The following SPATS2 variants were observed in gnomAD, a reference collection of about 807,000 sequenced individuals.
SPATS2 encodes spermatogenesis associated serine rich 2.
SPATS2 carries 38 observed loss-of-function variants against 63.7 expected under a neutral mutation model. That is an observed-to-expected ratio of 0.60 (90% confidence interval 0.46 to 0.78). The LOEUF (loss-of-function observed/expected upper bound fraction) is 0.78, where lower values mean the gene tolerates loss of function less well. SPATS2 is among the 30% of genes least tolerant of loss of function. SPATS2 has a pLI of 0.00. For missense variants in SPATS2, 588 were observed against 666.2 expected, an observed-to-expected ratio of 0.88 and a Z score of 1.29; for synonymous variants, 207 against 232.9, an observed-to-expected ratio of 0.89 and a Z score of 1.01.
intron 2 of SPATS2, among the ~76,000 whole-genome samples, chr12:49,453,786 C>T (rs766966920): frequency 6.3e-4 from 94 of 149,500 alleles, no homozygotes; most frequent in Non-Finnish European, 1.0e-3. Flanking sequence ...CCCTGGGCAA[C>T]GGAGGAAGAC....
intron 2 of SPATS2, among the ~76,000 whole-genome samples, chr12:49,449,890 T>G (rs1945587651): frequency 6.6e-6 from 1 of 152,202 alleles, no homozygotes; most frequent in South Asian, 2.1e-4. Context: ...TATCAATCAG[T>G]TATTGAGAGT....
intron 3 of SPATS2, among the ~76,000 whole-genome samples, chr12:49,467,792 C>T (rs1053838392): frequency 1.3e-5 from 2 of 152,140 alleles, no homozygotes; most frequent in African/African-American, 4.8e-5. Flanking sequence ...CTAGCTCTGC[C>T]TCCTGGGTCT....
intron 2 of SPATS2, among the ~76,000 whole-genome samples, chr12:49,445,766 C>T (rs1945499401): frequency 6.6e-6 from 1 of 152,140 alleles, no homozygotes; most frequent in South Asian, 2.1e-4. Context: ...AGTGATCTGC[C>T]TGCCTCGGCC....
At chr12:49,514,661 G>A in intron 10 of SPATS2, 48 bp downstream of exon 10, 1 of 1,560,784 alleles carries the variant, frequency 6.4e-7, no homozygotes, top group Non-Finnish European at 8.8e-7. Flanking sequence ...ATAAATAGTA[G>A]GTACCTACTT....
At chr12:49,446,456 C>T (rs1045553277) in intron 2 of SPATS2, among the ~76,000 whole-genome samples, 8 of 152,344 alleles carry the variant, frequency 5.3e-5, no homozygotes, top group Admixed American at 3.3e-4. Flanking sequence ...TTTTCAGGCT[C>T]ACTCAGGCTG....
intron 9 of SPATS2, among the ~76,000 whole-genome samples, chr12:49,504,235 A>G (rs1159646308): frequency 6.6e-6 from 1 of 152,234 alleles, no homozygotes; most frequent in Non-Finnish European, 1.5e-5. Context: ...AATTATACAG[A>G]TAACTCCTTT....
At chr12:49,458,255 G>A (rs192667938) in intron 2 of SPATS2, among the ~76,000 whole-genome samples, 2 of 152,262 alleles carry the variant, frequency 1.3e-5, no homozygotes, top group East Asian at 3.9e-4. Flanking sequence ...ATCACTGGAG[G>A]TCAGGAGTTC....
intron 2 of SPATS2, among the ~76,000 whole-genome samples, chr12:49,459,488 A>G (rs986149232): frequency 1.3e-5 from 2 of 151,938 alleles, no homozygotes; most frequent in Non-Finnish European, 2.9e-5. Context: ...AGCTGAGATT[A>G]CAGGCATGCA....
intron 2 of SPATS2, among the ~76,000 whole-genome samples, chr12:49,445,874 A>G (rs149339763): frequency 1.5e-3 from 229 of 151,908 alleles, no homozygotes; most frequent in African/African-American, 5.4e-3. Flanking sequence ...ATTTATGAGG[A>G]ATGTTGATCT....
At chr12:49,416,968 C>T (rs536938630) in intron 2 of SPATS2, among the ~76,000 whole-genome samples, 2 of 152,316 alleles carry the variant, frequency 1.3e-5, no homozygotes, top group Admixed American at 6.5e-5. Flanking sequence ...AGCTAGACAA[C>T]GTGTCAGGCT....
At chr12:49,445,343 A>T (rs1261422774) in intron 2 of SPATS2, among the ~76,000 whole-genome samples, 1 of 152,086 alleles carries the variant, frequency 6.6e-6, no homozygotes, top group African/African-American at 2.4e-5. Context: ...TACTGAGATG[A>T]TCATGTGACT....
intron 2 of SPATS2, among the ~76,000 whole-genome samples, chr12:49,420,892 A>G (rs1490264613): frequency 6.6e-6 from 1 of 152,178 alleles, no homozygotes; most frequent in Non-Finnish European, 1.5e-5. Context: ...TTGTAGTCCC[A>G]TCTACTCCGG....
At chr12:49,382,089 T>C (rs916165834) in intron 2 of SPATS2, among the ~76,000 whole-genome samples, 1 of 152,232 alleles carries the variant, frequency 6.6e-6, no homozygotes, top group Non-Finnish European at 1.5e-5. Flanking sequence ...AACTCTCCTG[T>C]CTCTTGCGAT....
At chr12:49,442,489 G>C (rs565092905) in intron 2 of SPATS2, 1 of 154,538 alleles carries the variant, frequency 6.5e-6, no homozygotes, top group East Asian at 1.9e-4. Context: ...ATTTTCTGCA[G>C]GTAAATCTTA....
intron 2 of SPATS2, among the ~76,000 whole-genome samples, chr12:49,450,361 T>C (rs1358649333): frequency 6.6e-6 from 1 of 152,080 alleles, no homozygotes. Context: ...GCCATTCTCC[T>C]GCCTCAGCCA....
chr12:49,449,760 C>G (rs1945584908), intron 2 of SPATS2, among the ~76,000 whole-genome samples: 2 of 152,164 alleles, frequency 1.3e-5, no homozygotes, highest in South Asian at 4.1e-4. Context: ...TATTCACTAC[C>G]GTGAGAACAG....
At chr12:49,500,040 T>C in intron 8 of SPATS2, 30 bp from the exon 9 acceptor site, 1 of 1,388,426 alleles carries the variant, frequency 7.2e-7, no homozygotes, top group East Asian at 2.8e-5. Context: ...TTCTTTTTTT[T>C]TTTTTAATAT....
chr12:49,385,863 G>GTTTGTTTGTTT (rs1555178271), intron 2 of SPATS2, among the ~76,000 whole-genome samples: 6 of 126,034 alleles, frequency 4.8e-5, no homozygotes, highest in South Asian at 2.5e-4. Context: ...TTGTTTGTTT[G>GTTTGTTTGTTT]TTTGTTTTTT....
chr12:49,458,991 A>C (rs541620998), intron 2 of SPATS2, among the ~76,000 whole-genome samples: 1 of 152,128 alleles, frequency 6.6e-6, no homozygotes. Context: ...TCAAGGCATG[A>C]TAAATCTAAG....
Sources: gnomAD v4.1 joint callset for allele counts (sites outside exome capture counted in the v4.1 genomes callset) on GRCh38, gnomAD v4.1.1 for gene constraint, MANE v1.5 for transcripts, NCBI Gene and HGNC (gene_info 2026-07-23, HGNC 2026-07-21) for gene names.